The following ADAMTS12 variants were observed in gnomAD, a reference collection of about 807,000 sequenced individuals.
ADAMTS12 encodes the protein A disintegrin and metalloproteinase with thrombospondin motifs 12.
A neutral mutation model predicts 167.8 loss-of-function variants in ADAMTS12; 118 were observed. The ratio of observed to expected loss-of-function variants is 0.70; its 90% CI spans 0.61 to 0.82. The LOEUF (loss-of-function observed/expected upper bound fraction) is 0.82. Ranked by LOEUF, ADAMTS12 falls within the 40% of genes least tolerant of loss-of-function variation. The pLI, the probability that ADAMTS12 is intolerant of heterozygous loss-of-function variation, is 0.00. For synonymous variants in ADAMTS12, 704 were observed against 716.9 expected (o/e 0.98, Z 0.29); for missense variants, 1,916 against 1,998.8 (o/e 0.96, Z 0.79).
Position 33,622,716 on chromosome 5 carries a change from TA to T in ADAMTS12, c.2143+1514del, listed in dbSNP as rs536052736. Among the ~76,000 whole-genome samples, 4 of 150,940 alleles carry T rather than the reference TA, an allele frequency of 2.7e-5. No homozygotes were observed. In the South Asian group the frequency reaches 8.3e-4, roughly 31 times the overall value. On this transcript the variant is annotated intron_variant, in intron 14 of 23. Coordinates refer to ENST00000504830, the MANE Select transcript of ADAMTS12 (RefSeq NM_030955.4). Reference sequence around the variant, plus strand: ...AAATGCAGAAATACGATTTTAAGTGTAACTTTTTATAAGTAAGTAAAGCCAC... The same window carrying T: ...AAATGCAGAAATACGATTTTAAGTGTACTTTTTATAAGTAAGTAAAGCCAC...
At chr5:33,717,872 A>C (rs752561743) in intron 3 of ADAMTS12, among the ~76,000 whole-genome samples, 3 of 152,366 alleles carry the variant, frequency 2.0e-5, no homozygotes, top group Non-Finnish European at 2.9e-5. Context: ...AATAGTAAGA[A>C]AAGAAAATGA....
At chr5:33,705,668 G>C (rs1298046477) in intron 3 of ADAMTS12, among the ~76,000 whole-genome samples, 1 of 151,856 alleles carries the variant, frequency 6.6e-6, no homozygotes, top group Non-Finnish European at 1.5e-5. Context: ...GAATTAGCTG[G>C]GCGTGGTGCT....
At chr5:33,548,558 T>C (rs1448532663) in intron 21 of ADAMTS12, among the ~76,000 whole-genome samples, 1 of 152,186 alleles carries the variant, frequency 6.6e-6, no homozygotes, top group Non-Finnish European at 1.5e-5. Flanking sequence ...GTTGGGAGTA[T>C]GTTTTAGCTG....
chr5:33,666,943 T>C (rs1173110525), intron 5 of ADAMTS12, among the ~76,000 whole-genome samples: 1 of 152,224 alleles, frequency 6.6e-6, no homozygotes, highest in East Asian at 1.9e-4. Context: ...TTATGGCTTA[T>C]CAATCACTTC....
At chr5:33,693,520 T>C (rs556742718) in intron 3 of ADAMTS12, among the ~76,000 whole-genome samples, 1 of 152,238 alleles carries the variant, frequency 6.6e-6, no homozygotes, top group South Asian at 2.1e-4. Flanking sequence ...ATAGTATGTA[T>C]GTTCATTCAG....
intron 3 of ADAMTS12, among the ~76,000 whole-genome samples, chr5:33,711,510 C>A (rs11749202): frequency 0.28 from 42,986 of 152,040 alleles, 6,442 homozygotes; most frequent in Non-Finnish European, 0.33. Flanking sequence ...GGACACACAG[C>A]ACAAACAGAT....
chr5:33,568,829 C>T (rs377701750), intron 19 of ADAMTS12, among the ~76,000 whole-genome samples: 1 of 152,198 alleles, frequency 6.6e-6, no homozygotes, highest in Non-Finnish European at 1.5e-5. Flanking sequence ...TCAGGGAGTT[C>T]CCTTTCCTGG....
intron 2 of ADAMTS12, among the ~76,000 whole-genome samples, chr5:33,823,091 T>TAA (rs34101310): frequency 9.3e-4 from 130 of 140,166 alleles, no homozygotes; most frequent in Admixed American, 2.4e-3. Flanking sequence ...ACCCCATTTC[T>TAA]AAAAAAAAAA....
At chr5:33,790,949 T>C (rs538930943) in intron 2 of ADAMTS12, among the ~76,000 whole-genome samples, 4 of 152,236 alleles carry the variant, frequency 2.6e-5, no homozygotes, top group Admixed American at 6.5e-5. Context: ...TTCTTGCACA[T>C]TTAGTGATGT....
intron 20 of ADAMTS12, among the ~76,000 whole-genome samples, chr5:33,559,129 G>GA (rs1276990781): frequency 2.0e-5 from 3 of 152,042 alleles, no homozygotes; most frequent in African/African-American, 7.2e-5. Flanking sequence ...TGTCTGTCTG[G>GA]GGACATGAGC....
intron 3 of ADAMTS12, among the ~76,000 whole-genome samples, chr5:33,715,059 A>T (rs1191756998): frequency 6.6e-6 from 1 of 152,116 alleles, no homozygotes; most frequent in African/African-American, 2.4e-5. Flanking sequence ...TATCACATGT[A>T]CCTCATAAAT....
In ADAMTS12 at chr5:33,579,161, C is replaced by T. The variant is rs571558342; in HGVS notation, c.2866-2001G>A. On this transcript the variant is annotated intron_variant, in intron 18 of 23. Coordinates refer to ENST00000504830, the MANE Select transcript of ADAMTS12 (RefSeq NM_030955.4). ...TCTTCCCTTCTTGTGTAGGAAGATA[C>T]TCTGTGCTCCATCTATTTTAGTCAC... 5.9e-5 allele frequency among the ~76,000 whole-genome samples: 9 copies of T among 152,300 alleles called. No individual in the cohort carries two copies. The South Asian group carries it at 1.9e-3, about 32-fold the overall frequency.
chr5:33,638,125 T>C (rs1339922529), intron 11 of ADAMTS12, among the ~76,000 whole-genome samples: 3 of 152,180 alleles, frequency 2.0e-5, no homozygotes, highest in African/African-American at 7.2e-5. Context: ...GTCAATCAGT[T>C]GCCTGGTCAT....
chr5:33,549,321 G>A lies in ADAMTS12; in HGVS notation c.4188C>T (p.Asp1396=). 1 of 1,614,210 alleles carries A rather than the reference G, an allele frequency of 6.2e-7. No homozygotes were observed. The highest frequency in any genetic ancestry group is 8.5e-7 in the Non-Finnish European group (1 of 1,180,036). The change falls in exon 21 of 24, where the codon GAC becomes GAT. Residue 1396 remains aspartate, a synonymous_variant. Transcript: ENST00000504830. ...AGTGAAATGGCCTCAGGTTCCGGTG[G>A]TCCCGGCTGTCCACGCACTGAATCT... ...IREIQCVDSR[D]HRNLRPFHCQ...
At chr5:33,602,638 A>G (rs1579731672) in intron 16 of ADAMTS12, among the ~76,000 whole-genome samples, 1 of 152,204 alleles carries the variant, frequency 6.6e-6, no homozygotes. Context: ...TCTGCTTTCT[A>G]AATATCAGTA....
chr5:33,773,064 A>G (rs1010909425), intron 2 of ADAMTS12, among the ~76,000 whole-genome samples: 1 of 152,238 alleles, frequency 6.6e-6, no homozygotes, highest in Non-Finnish European at 1.5e-5. Context: ...TGCATATGGA[A>G]GGTGCAAGGC....
chr5:33,690,252 AG>A (rs1466150168), intron 3 of ADAMTS12, among the ~76,000 whole-genome samples: 7 of 152,244 alleles, frequency 4.6e-5, no homozygotes, highest in Non-Finnish European at 1.0e-4. Flanking sequence ...CTCCACAAAA[AG>A]TTTACCACAC....
At chr5:33,583,485 T>G (rs1747180075) in intron 18 of ADAMTS12, among the ~76,000 whole-genome samples, 1 of 152,210 alleles carries the variant, frequency 6.6e-6, no homozygotes, top group Non-Finnish European at 1.5e-5. Context: ...ATAGACTGGT[T>G]TCCTTTCTTT....
At chr5:33,838,576 G>A (rs1362575412) in intron 2 of ADAMTS12, among the ~76,000 whole-genome samples, 2 of 152,138 alleles carry the variant, frequency 1.3e-5, no homozygotes, top group Admixed American at 6.6e-5. Context: ...CCAGCTATGT[G>A]GAGGCTGAGG....
Sources: gnomAD v4.1 joint callset for allele counts (sites outside exome capture counted in the v4.1 genomes callset) on GRCh38, gnomAD v4.1.1 for gene constraint, MANE v1.5 for transcripts, NCBI Gene and HGNC (gene_info 2026-07-23, HGNC 2026-07-21) for gene names.